DERA: variants seen among roughly 807,000 people sequenced by gnomAD.
DERA encodes the protein deoxyribose-phosphate aldolase.
In DERA, 15 loss-of-function variants were observed where a neutral mutation model predicts 41.1. The ratio of observed to expected loss-of-function variants is 0.37; its 90% CI spans 0.24 to 0.56. The LOEUF (loss-of-function observed/expected upper bound fraction) is 0.56, where lower values mean the gene tolerates loss of function less well. Among genes scored for constraint, DERA ranks in the 20% least tolerant of loss-of-function variants. DERA has a pLI of 0.81. For missense variants in DERA, 396 were observed against 403.4 expected (o/e 0.98, Z 0.16); for synonymous variants, 139 against 137.4 (o/e 1.01, Z -0.08).
In DERA at chr12:15,985,534, A is replaced by G. The variant is rs1301103924; in HGVS notation, c.637+3098A>G. Among the ~76,000 whole-genome samples, 2 of 149,862 alleles carry G rather than the reference A, an allele frequency of 1.3e-5. No homozygotes were observed. The highest frequency in any genetic ancestry group is 1.5e-5 in the Non-Finnish European group (1 of 67,406). Reference sequence around the variant, plus strand: ...TGCTAGGGCTTTGCCAATTTTATTAATCTTTTCAGAGAGCCAAGTTTTTAT... The same window carrying G: ...TGCTAGGGCTTTGCCAATTTTATTAGTCTTTTCAGAGAGCCAAGTTTTTAT... On this transcript the variant is annotated intron_variant, in intron 6 of 8. Transcript: ENST00000428559. This position sits in a 1 kb window ranked among gnomAD's most constrained non-coding sequence, Gnocchi z 4.2.
rs1228973468 is a variant in DERA, at chr12:15,954,736, C to T, written c.32-2200C>T. ...TGAGACCCCTCTCCAACAGTGGTGC[C>T]AGTGTTTCCAGTGGCGACAGTAGTG... On this transcript the variant is annotated intron_variant, in intron 1 of 8. Coordinates refer to ENST00000428559, the MANE Select transcript of DERA (RefSeq NM_015954.4). This position sits in a 1 kb window ranked among gnomAD's most constrained non-coding sequence, Gnocchi z 4.0. Among the ~76,000 whole-genome samples, 1 of 152,036 alleles carries T rather than the reference C, an allele frequency of 6.6e-6. No homozygotes were observed. Among genetic ancestry groups the T allele is most frequent in the Non-Finnish European group, 1.5e-5 (1 of 67,998 alleles).
chr12:15,963,865 G>A (rs1948605393), intron 5 of DERA, among the ~76,000 whole-genome samples: 1 of 151,774 alleles, frequency 6.6e-6, no homozygotes, highest in Admixed American at 6.6e-5. Flanking sequence ...TCCTGTGACT[G>A]TTTCTATCCA....
At chr12:15,933,940 T>A (rs1013241042) in intron 1 of DERA, among the ~76,000 whole-genome samples, 3 of 152,186 alleles carry the variant, frequency 2.0e-5, no homozygotes, top group Non-Finnish European at 4.4e-5. Context: ...TCAGGCCACG[T>A]AAGCTGGTTC....
intron 1 of DERA, among the ~76,000 whole-genome samples, chr12:15,944,088 A>T (rs1409114346): frequency 6.6e-6 from 1 of 151,978 alleles, no homozygotes; most frequent in Non-Finnish European, 1.5e-5. Flanking sequence ...TTAGTATTCC[A>T]TGGTGTATAT....
rs1229649936 is a variant in DERA at position 15,936,241 on chromosome 12, G to A, written c.32-20695G>A. On this transcript the variant is annotated intron_variant, in intron 1 of 8. Coordinates refer to ENST00000428559, the MANE Select transcript of DERA (RefSeq NM_015954.4). This position sits in a 1 kb window ranked among gnomAD's most constrained non-coding sequence, Gnocchi z 4.6. ...GGGTCATTTTTGAGGCTAGCTACCCGTTTCCCTTATTTGCTATGTTAATTA... is the reference window on the plus strand; with the variant it reads ...GGGTCATTTTTGAGGCTAGCTACCCATTTCCCTTATTTGCTATGTTAATTA... 1.3e-5 allele frequency among the ~76,000 whole-genome samples: 2 copies of A among 152,270 alleles called. No homozygotes were observed. Among genetic ancestry groups the A allele is most frequent in the East Asian group, 1.9e-4 (1 of 5,182 alleles).
Position 16,004,514 on chromosome 12 carries a change from G to A in DERA, c.637+22078G>A, listed in dbSNP as rs1948896935. Among the ~76,000 whole-genome samples the A allele has an allele frequency of 6.6e-6, 1 of 152,062 alleles. No homozygotes were observed. Among genetic ancestry groups the A allele is most frequent in the African/African-American group, 2.4e-5 (1 of 41,402 alleles). ...AGTACATTGAAAAAAATTAAAGCTA[G>A]TAAGGAAAAGAGGCATCCCAGTACT... On this transcript the variant is annotated intron_variant, in intron 6 of 8. Transcript: ENST00000428559. The surrounding 1 kb of genome is among the most constrained non-coding windows in gnomAD (Gnocchi z 4.2).
Position 15,996,082 on chromosome 12 carries a change from C to T in DERA, c.637+13646C>T, listed in dbSNP as rs142968722. ...ACTCAGCAAACATTAGAGATGCCTT[C>T]TCTTTCAGAGTTAATGTGATTCTAT... On this transcript the variant is annotated intron_variant, in intron 6 of 8. Transcript: ENST00000428559. The surrounding 1 kb of genome is among the most constrained non-coding windows in gnomAD (Gnocchi z 4.7). Among the ~76,000 whole-genome samples, 1 of 152,106 alleles carries T rather than the reference C, an allele frequency of 6.6e-6. No individual in the cohort carries two copies. The highest frequency in any genetic ancestry group is 1.5e-5 in the Non-Finnish European group (1 of 68,010).
chr12:15,952,534 T>C (rs1565593897), intron 1 of DERA, among the ~76,000 whole-genome samples: 1 of 152,030 alleles, frequency 6.6e-6, no homozygotes, highest in Non-Finnish European at 1.5e-5. Flanking sequence ...GTACACATTA[T>C]AAAAAAAATA....
At chr12:16,015,121 T>G (rs897233256) in intron 6 of DERA, among the ~76,000 whole-genome samples, 3 of 152,170 alleles carry the variant, frequency 2.0e-5, no homozygotes, top group African/African-American at 7.2e-5. Flanking sequence ...AGATGAGACT[T>G]TGGACTTGGA....
chr12:15,967,352 T>G lies in DERA; in HGVS notation c.508+4405T>G, dbSNP rs1948629887. Among the ~76,000 whole-genome samples the G allele has an allele frequency of 6.6e-6, 1 of 152,130 alleles. No homozygotes were observed. The highest frequency in any genetic ancestry group is 2.1e-4 in the South Asian group (1 of 4,824). ...AGCCATGATTGTGCCACTGCACTCA[T>G]AAGCCACTGCGCCTGGCCTAATAGA... is the stretch of plus-strand genomic sequence containing the variant. On this transcript the variant is annotated intron_variant, in intron 5 of 8. Coordinates refer to ENST00000428559, the MANE Select transcript of DERA (RefSeq NM_015954.4). This position sits in a 1 kb window ranked among gnomAD's most constrained non-coding sequence, Gnocchi z 4.9.
Position 15,981,725 on chromosome 12 carries a change from A to G in DERA, c.509-583A>G, listed in dbSNP as rs2136162059. On this transcript the variant is annotated intron_variant, in intron 5 of 8. Transcript: ENST00000428559. This position sits in a 1 kb window ranked among gnomAD's most constrained non-coding sequence, Gnocchi z 6.1. ...GCAGCATCTCTGAGCCTCCCTGCAGAGATGGCTTTGTACACATGCGTCCAG... is the reference window on the plus strand; with the variant it reads ...GCAGCATCTCTGAGCCTCCCTGCAGGGATGGCTTTGTACACATGCGTCCAG... Among the ~76,000 whole-genome samples, 1 of 152,312 alleles carries G rather than the reference A, an allele frequency of 6.6e-6. No individual in the cohort carries two copies. The highest frequency in any genetic ancestry group is 2.1e-4 in the South Asian group (1 of 4,826).
chr12:16,028,597 CAG>C (rs1329152640), intron 6 of DERA, among the ~76,000 whole-genome samples: 1 of 152,080 alleles, frequency 6.6e-6, no homozygotes, highest in Non-Finnish European at 1.5e-5. Context: ...ATTAGCTTTA[CAG>C]TGGAGAAACC....
intron 1 of DERA, among the ~76,000 whole-genome samples, chr12:15,926,472 C>T (rs546401954): frequency 6.6e-6 from 1 of 152,046 alleles, no homozygotes; most frequent in East Asian, 1.9e-4. Flanking sequence ...CGCGGTGGCT[C>T]ACGCCTGTAA....
rs1948733376 is a variant in DERA at position 15,981,613 on chromosome 12, A to G, written c.509-695A>G. 6.6e-6 allele frequency among the ~76,000 whole-genome samples: 1 copy of G among 152,212 alleles called. No individual in the cohort carries two copies. The highest frequency in any genetic ancestry group is 2.4e-5 in the African/African-American group (1 of 41,450). On this transcript the variant is annotated intron_variant, in intron 5 of 8. Transcript: ENST00000428559. This position sits in a 1 kb window ranked among gnomAD's most constrained non-coding sequence, Gnocchi z 6.1. The stretch of plus-strand genomic sequence containing the variant: ...TGTAAAATGTTACCTTGAATATGAA[A>G]TATGAAATAAATCTGGGCCCAATGT...
Position 16,017,008 on chromosome 12 carries a change from C to T in DERA, c.638-15534C>T, listed in dbSNP as rs1948987495. 6.6e-6 allele frequency among the ~76,000 whole-genome samples: 1 copy of T among 152,082 alleles called. No homozygotes were observed. The highest frequency in any genetic ancestry group is 1.5e-5 in the Non-Finnish European group (1 of 68,020). On this transcript the variant is annotated intron_variant, in intron 6 of 8. Transcript: ENST00000428559. This position sits in a 1 kb window ranked among gnomAD's most constrained non-coding sequence, Gnocchi z 5.5. ...TGCTTGTTTCGATCAGGTGCGTCTA[C>T]CAGTATTTTGAAGGGTTTGCATAAT...
intron 1 of DERA, among the ~76,000 whole-genome samples, chr12:15,953,664 TAAG>T (rs1172648185): frequency 1.3e-5 from 2 of 152,306 alleles, no homozygotes; most frequent in East Asian, 3.9e-4. Flanking sequence ...CTTGGCCCCA[TAAG>T]AAGATTCTTT....
In DERA at chr12:16,035,361, A is replaced by C. The variant is rs1949120251; in HGVS notation, c.751-871A>C. Among the ~76,000 whole-genome samples, 1 of 152,106 alleles carries C rather than the reference A, an allele frequency of 6.6e-6. No homozygotes were observed. The highest frequency in any genetic ancestry group is 1.5e-5 in the Non-Finnish European group (1 of 68,024). ...ATAGCCCTGAGTGATAAAACGTGAG[A>C]GATTTAGTACTCAGGCTCTGAGGTG... On this transcript the variant is annotated intron_variant, in intron 7 of 8. Transcript: ENST00000428559. The surrounding 1 kb of genome is among the most constrained non-coding windows in gnomAD (Gnocchi z 4.1).
In DERA at chr12:15,998,340, C is replaced by T. The variant is rs1256422721; in HGVS notation, c.637+15904C>T. Among the ~76,000 whole-genome samples, 2 of 151,882 alleles carry T rather than the reference C, an allele frequency of 1.3e-5. No individual in the cohort carries two copies. Among genetic ancestry groups the T allele is most frequent in the African/African-American group, 2.4e-5 (1 of 41,324 alleles). ...ATTTATTTATTTATTTATTTAGAGA[C>T]GGAGTCTAGCTGTGTCGCCCAGGCT... On this transcript the variant is annotated intron_variant, in intron 6 of 8. Transcript: ENST00000428559. The surrounding 1 kb of genome is among the most constrained non-coding windows in gnomAD (Gnocchi z 4.8).
chr12:15,971,493 C>G (rs1948659375), intron 5 of DERA, among the ~76,000 whole-genome samples: 1 of 139,958 alleles, frequency 7.1e-6, no homozygotes, highest in African/African-American at 2.7e-5. Context: ...AAGAGGCCAT[C>G]TTTATATCTC....
Sources: gnomAD v4.1 joint callset for allele counts (sites outside exome capture counted in the v4.1 genomes callset) on GRCh38, gnomAD v4.1.1 for gene constraint, Gnocchi (gnomAD v3.1) non-coding constraint, MANE v1.5 for transcripts, NCBI Gene and HGNC (gene_info 2026-07-23, HGNC 2026-07-21) for gene names.